CTNNA3: variants seen among roughly 807,000 people sequenced by gnomAD.
The protein encoded by CTNNA3 is catenin alpha 3.
A neutral mutation model predicts 95.7 loss-of-function variants in CTNNA3; 76 were observed. That is an observed-to-expected ratio of 0.79 (90% CI 0.66 to 0.96). CTNNA3 has a LOEUF of 0.96. CTNNA3 is among the 40% of genes least tolerant of loss of function. The pLI, the probability that CTNNA3 is intolerant of heterozygous loss-of-function variation, is 0.00. For synonymous variants in CTNNA3, 431 were observed against 374.4 expected (o/e 1.15, Z -1.74); for missense variants, 1,191 against 1,089.8 (o/e 1.09, Z -1.31).
intron 11 of CTNNA3, among the ~76,000 whole-genome samples, chr10:66,427,531 G>C (rs531783373): frequency 6.6e-6 from 1 of 152,142 alleles, no homozygotes; most frequent in South Asian, 2.1e-4. Context: ...TGTGTATAAT[G>C]TGTTTATCTA....
At chr10:66,830,876 T>C (rs1842698421) in intron 7 of CTNNA3, among the ~76,000 whole-genome samples, 1 of 152,232 alleles carries the variant, frequency 6.6e-6, no homozygotes, top group Admixed American at 6.5e-5. Context: ...CCCAAAGTGC[T>C]GGGATTACAG....
chr10:67,333,047 A>T (rs889177990), intron 5 of CTNNA3, among the ~76,000 whole-genome samples: 4 of 152,240 alleles, frequency 2.6e-5, no homozygotes, highest in Non-Finnish European at 5.9e-5. Flanking sequence ...TAAAGATCAG[A>T]AAGAATAGTC....
At chr10:67,158,394 A>G (rs2132082022) in intron 7 of CTNNA3, among the ~76,000 whole-genome samples, 1 of 152,286 alleles carries the variant, frequency 6.6e-6, no homozygotes, top group African/African-American at 2.4e-5. Flanking sequence ...ATCATCACTA[A>G]TAAAACCGGT....
At chr10:66,700,864 A>T (rs182851647) in intron 9 of CTNNA3, among the ~76,000 whole-genome samples, 18 of 152,282 alleles carry the variant, frequency 1.2e-4, no homozygotes, top group Admixed American at 6.5e-4. Context: ...ATATTCTCAC[A>T]TCGGAAGAAA....
Position 67,606,853 on chromosome 10 carries a change from T to A in CTNNA3, c.292+4A>T, listed in dbSNP as rs1017454654. ...TTGCTCCTGACCAGGATTGGAGTACTCACTTTCTTTGCGAACTTCCTCAAG... is the reference window on the plus strand; with the variant it reads ...TTGCTCCTGACCAGGATTGGAGTACACACTTTCTTTGCGAACTTCCTCAAG... On this transcript the variant is annotated splice_donor_region_variant and intron_variant, in intron 3 of 17. Coordinates refer to ENST00000433211, the MANE Select transcript of CTNNA3 (RefSeq NM_013266.4). 1.2e-6 allele frequency: 2 copies of A among 1,610,926 alleles called. No individual in the cohort carries two copies. Among genetic ancestry groups the A allele is most frequent in the Non-Finnish European group, 1.7e-6 (2 of 1,177,790 alleles).
Position 65,917,347 on chromosome 10 carries a change from A to G in CTNNA3, c.*2983T>C, listed in dbSNP as rs2077019694. 1 of 152,184 alleles carries G rather than the reference A, an allele frequency of 6.6e-6. No homozygotes were observed. The highest frequency in any genetic ancestry group is 6.5e-5 in the Admixed American group (1 of 15,270). 9.4% of individuals were successfully genotyped at this position (152,184 alleles called of 1,614,324 possible). A position where few individuals can be genotyped will look rare whatever the true frequency, so the allele number is the denominator to read the frequency against. ...ACTGACTTAGAAACATTTTACTTCA[A>G]TAATTTTAATTTGTCATAAATTAAA... On this transcript the variant is annotated 3_prime_UTR_variant, in exon 18 of 18. Coordinates refer to ENST00000433211, the MANE Select transcript of CTNNA3 (RefSeq NM_013266.4).
At chr10:66,885,375 C>G (rs1845005771) in intron 7 of CTNNA3, among the ~76,000 whole-genome samples, 1 of 152,086 alleles carries the variant, frequency 6.6e-6, no homozygotes, top group Non-Finnish European at 1.5e-5. Context: ...ATCCCTTTGC[C>G]TATTTATCTT....
chr10:66,062,481 G>T (rs949518033), intron 15 of CTNNA3, among the ~76,000 whole-genome samples: 1 of 152,054 alleles, frequency 6.6e-6, no homozygotes, highest in Non-Finnish European at 1.5e-5. Flanking sequence ...TGTGACAAAG[G>T]TGGAACCAAG....
At chr10:66,616,814 A>G (rs1844531884) in intron 10 of CTNNA3, among the ~76,000 whole-genome samples, 1 of 152,068 alleles carries the variant, frequency 6.6e-6, no homozygotes, top group African/African-American at 2.4e-5. Flanking sequence ...TTTGGTCAGT[A>G]TCTATACATA....
chr10:65,951,274 A>G (rs925301379), intron 17 of CTNNA3, among the ~76,000 whole-genome samples: 1 of 152,152 alleles, frequency 6.6e-6, no homozygotes, highest in Non-Finnish European at 1.5e-5. Flanking sequence ...GAAAGGTAAA[A>G]CAAAGAAGAA....
chr10:67,524,219 C>A (rs1289932487), intron 4 of CTNNA3, among the ~76,000 whole-genome samples: 1 of 151,732 alleles, frequency 6.6e-6, no homozygotes, highest in Non-Finnish European at 1.5e-5. Context: ...CTGGCTAACA[C>A]GGTGAAACCC....
At chr10:66,707,663 G>T (rs547261039) in intron 9 of CTNNA3, among the ~76,000 whole-genome samples, 2 of 152,110 alleles carry the variant, frequency 1.3e-5, no homozygotes, top group South Asian at 4.1e-4. Flanking sequence ...TAATAGAAAA[G>T]AAACTAACTC....
At chr10:66,293,258 T>C (rs946859828) in intron 12 of CTNNA3, among the ~76,000 whole-genome samples, 3 of 152,154 alleles carry the variant, frequency 2.0e-5, no homozygotes, top group Non-Finnish European at 4.4e-5. Flanking sequence ...TAATTATGTA[T>C]TTATAATATG....
Position 66,810,346 on chromosome 10 carries a change from T to C in CTNNA3, c.1048-34822A>G, listed in dbSNP as rs549112561. ...CCCCACATCCCTAAAGCCACTTCTT[T>C]CCCACATTCCCTAGCTTTCTGGAAG... On this transcript the variant is annotated intron_variant, in intron 7 of 17. Transcript: ENST00000433211. 1.5e-3 allele frequency among the ~76,000 whole-genome samples: 226 copies of C among 152,230 alleles called. 1 individual carries two copies. Among genetic ancestry groups the C allele is most frequent in the African/African-American group, 4.8e-3 (198 of 41,546 alleles).
At chr10:66,798,365 A>C (rs752382058) in intron 7 of CTNNA3, among the ~76,000 whole-genome samples, 10 of 151,116 alleles carry the variant, frequency 6.6e-5, no homozygotes, top group Non-Finnish European at 1.3e-4. Flanking sequence ...GGATAAGGAT[A>C]GCTTAAAAAA....
rs955306414 is a variant in CTNNA3 at position 67,702,383 on chromosome 10, T to A, written c.-1-54869A>T. The stretch of plus-strand genomic sequence containing the variant: ...TTGACCACATAGTTGGAAGTAAAGC[T>A]CTCCTCAGCAAATGTAAAAGATCAG... On this transcript the variant is annotated intron_variant, in intron 1 of 17. Coordinates refer to the CTNNA3 transcript ENST00000684154. Among the ~76,000 whole-genome samples the A allele has an allele frequency of 9.2e-3, 1,403 of 152,022 alleles. 21 individuals are homozygous for A. Among genetic ancestry groups the A allele is most frequent in the African/African-American group, 0.032 (1,345 of 41,418 alleles).
chr10:67,048,757 G>C (rs1165880317), intron 7 of CTNNA3, among the ~76,000 whole-genome samples: 7 of 151,980 alleles, frequency 4.6e-5, no homozygotes, highest in African/African-American at 1.4e-4. Flanking sequence ...AACAGAAAAT[G>C]CCAAAATGAC....
chr10:67,425,975 C>A (rs117121189), intron 5 of CTNNA3, among the ~76,000 whole-genome samples: 2 of 152,204 alleles, frequency 1.3e-5, no homozygotes, highest in East Asian at 3.9e-4. Flanking sequence ...GAACTAGGGT[C>A]ACCCTCTGTT....
intron 7 of CTNNA3, among the ~76,000 whole-genome samples, chr10:67,039,523 T>C (rs1213476282): frequency 3.3e-5 from 5 of 152,280 alleles, no homozygotes; most frequent in Admixed American, 2.6e-4. Context: ...GGGTGATGCA[T>C]AATAATTTAT....
Sources: allele counts gnomAD v4.1 joint callset (sites outside exome capture counted in the v4.1 genomes callset), GRCh38; gene constraint gnomAD v4.1.1; transcripts MANE v1.5; gene names NCBI Gene and HGNC (gene_info 2026-07-23, HGNC 2026-07-21).